The following EPHA6 variants were observed in gnomAD, a reference collection of about 807,000 sequenced individuals.
EPHA6 encodes the protein EPH receptor A6.
EPHA6 carries 50 observed loss-of-function variants against 112.0 expected under a neutral mutation model. The ratio of observed to expected loss-of-function variants is 0.45; its 90% CI spans 0.36 to 0.56. EPHA6 has a LOEUF of 0.56. Among genes scored for constraint, EPHA6 ranks in the 20% least tolerant of loss-of-function variants. The pLI is 0.00. For synonymous variants in EPHA6, 529 were observed against 490.7 expected, an observed-to-expected ratio of 1.08 and a Z score of -1.03; for missense variants, 1,280 against 1,417.4, an observed-to-expected ratio of 0.90 and a Z score of 1.56.
chr3:97,562,297 T>A (rs2093203160), intron 11 of EPHA6, among the ~76,000 whole-genome samples: 1 of 152,204 alleles, frequency 6.6e-6, no homozygotes, highest in Admixed American at 6.5e-5. Context: ...TGACTCACTA[T>A]TTTTAGATGC....
intron 3 of EPHA6, among the ~76,000 whole-genome samples, chr3:97,135,629 A>G (rs2075747919): frequency 6.6e-6 from 1 of 152,014 alleles, no homozygotes; most frequent in South Asian, 2.1e-4. Context: ...TCTGATTTGC[A>G]ATATTTCCTC....
intron 2 of EPHA6, among the ~76,000 whole-genome samples, chr3:96,874,492 C>T (rs184967190): frequency 6.6e-6 from 1 of 151,986 alleles, no homozygotes; most frequent in Admixed American, 6.6e-5. Context: ...ATGGACTAGT[C>T]TAGTCCAAAA....
Position 97,176,619 on chromosome 3 carries a change from T to C in EPHA6, c.1115-49645T>C, listed in dbSNP as rs549598748. ...TTTGTATTTCTTCCTGGTTCGATCT[T>C]GGTAGGTTGCGTGTATCTAGGAATT... On this transcript the variant is annotated intron_variant, in intron 3 of 17. Coordinates refer to ENST00000389672, the MANE Select transcript of EPHA6 (RefSeq NM_001080448.3). Among the ~76,000 whole-genome samples the C allele has an allele frequency of 1.1e-4, 17 of 152,086 alleles. 1 individual carries two copies. In the East Asian group the frequency reaches 2.9e-3, roughly 26 times the overall value.
At chr3:97,347,626 G>C (rs1366257036) in intron 5 of EPHA6, among the ~76,000 whole-genome samples, 1 of 151,994 alleles carries the variant, frequency 6.6e-6, no homozygotes, top group Admixed American at 6.6e-5. Context: ...AGGGGGAAAG[G>C]GTTATGGTTA....
At chr3:97,187,692 A>G (rs868343533) in intron 3 of EPHA6, among the ~76,000 whole-genome samples, 4 of 63,738 alleles carry the variant, frequency 6.3e-5, no homozygotes, top group Admixed American at 1.4e-4. Context: ...AAAGAAGGAA[A>G]GAAAGAAAGA....
chr3:97,074,118 A>G (rs1399866800), intron 3 of EPHA6, among the ~76,000 whole-genome samples: 1 of 151,892 alleles, frequency 6.6e-6, no homozygotes, highest in Non-Finnish European at 1.5e-5. Flanking sequence ...ACCACGTTGC[A>G]TTTATGGGTG....
intron 5 of EPHA6, among the ~76,000 whole-genome samples, chr3:97,267,835 A>C (rs1403754962): frequency 6.6e-6 from 1 of 152,216 alleles, no homozygotes; most frequent in Non-Finnish European, 1.5e-5. Flanking sequence ...TCTGAGCAGT[A>C]GACATTTCCA....
chr3:97,629,154 C>T (rs774208281), intron 13 of EPHA6, among the ~76,000 whole-genome samples: 12 of 151,948 alleles, frequency 7.9e-5, no homozygotes, highest in Non-Finnish European at 1.3e-4. Context: ...TCTCAATCTC[C>T]TGGCCTCAAA....
chr3:97,392,704 A>G (rs2086480413), intron 5 of EPHA6, among the ~76,000 whole-genome samples: 1 of 151,790 alleles, frequency 6.6e-6, no homozygotes, highest in African/African-American at 2.4e-5. Flanking sequence ...ATATCTCTAT[A>G]AGCTTTATTA....
intron 2 of EPHA6, among the ~76,000 whole-genome samples, chr3:96,903,645 AGAG>A (rs2038746277): frequency 6.6e-6 from 1 of 152,146 alleles, no homozygotes; most frequent in Middle Eastern, 3.2e-3. Context: ...AAACAATTTT[AGAG>A]AAATAGTTTT....
intron 5 of EPHA6, among the ~76,000 whole-genome samples, chr3:97,335,668 T>TA (rs1378416049): frequency 6.6e-6 from 1 of 152,144 alleles, no homozygotes; most frequent in Non-Finnish European, 1.5e-5. Flanking sequence ...CATAGCAGTG[T>TA]AAACCACCCA....
chr3:97,734,771 G>T (rs573454502), intron 15 of EPHA6, among the ~76,000 whole-genome samples: 10 of 152,124 alleles, frequency 6.6e-5, no homozygotes, highest in East Asian at 1.9e-4. Flanking sequence ...ATATTAGTCT[G>T]TTCCTCCGTT....
At chr3:97,223,443 A>G (rs974671345) in intron 3 of EPHA6, among the ~76,000 whole-genome samples, 1 of 152,222 alleles carries the variant, frequency 6.6e-6, no homozygotes, top group Non-Finnish European at 1.5e-5. Flanking sequence ...CAAGTGTTAA[A>G]AAAAGCCCTG....
rs1441709692 is a variant in EPHA6, at chr3:97,006,170, T to C, written c.1114+18177T>C. ...GAGGAGTTCCTCCTTTTCAATTGTTTGGAATAATTTCAGAAGGAATGGTCC... is the reference window on the plus strand; with the variant it reads ...GAGGAGTTCCTCCTTTTCAATTGTTCGGAATAATTTCAGAAGGAATGGTCC... On this transcript the variant is annotated intron_variant, in intron 3 of 17. Transcript: ENST00000389672. Among the ~76,000 whole-genome samples, 24 of 152,216 alleles carry C rather than the reference T, an allele frequency of 1.6e-4. 1 individual carries two copies. Among genetic ancestry groups the C allele is most frequent in the Admixed American group, 1.6e-3 (24 of 15,276 alleles).
chr3:97,062,105 A>G (rs2046040940), intron 3 of EPHA6, among the ~76,000 whole-genome samples: 1 of 152,148 alleles, frequency 6.6e-6, no homozygotes, highest in African/African-American at 2.4e-5. Flanking sequence ...ACAAGTGTAT[A>G]ATGGAGAATG....
chr3:96,986,394 T>A (rs906203759), intron 2 of EPHA6, among the ~76,000 whole-genome samples: 2 of 152,172 alleles, frequency 1.3e-5, no homozygotes, highest in Admixed American at 1.3e-4. Flanking sequence ...TCTCTGACTG[T>A]CTGTTCTTAT....
intron 13 of EPHA6, chr3:97,612,472 TA>T: frequency 2.8e-6 from 1 of 361,810 alleles, no homozygotes; most frequent in Non-Finnish European, 5.5e-6. Flanking sequence ...CACAAGCAAA[TA>T]AGGTGGGAAA....
At chr3:97,056,918 C>T (rs1156650410) in intron 3 of EPHA6, among the ~76,000 whole-genome samples, 1 of 152,174 alleles carries the variant, frequency 6.6e-6, no homozygotes, top group Non-Finnish European at 1.5e-5. Flanking sequence ...GCCACCACCA[C>T]AATTATTGCT....
intron 1 of EPHA6, 138 bp from the exon 2 acceptor site, chr3:96,866,687 A>T (rs1032983718): frequency 2.4e-6 from 1 of 418,026 alleles, no homozygotes; most frequent in Non-Finnish European, 4.3e-6. Context: ...ATTTCTGAAG[A>T]TAACTCATTA....
Sources: allele counts gnomAD v4.1 joint callset (sites outside exome capture counted in the v4.1 genomes callset), GRCh38; gene constraint gnomAD v4.1.1; transcripts MANE v1.5; gene names NCBI Gene and HGNC (gene_info 2026-07-23, HGNC 2026-07-21).